IL1RAPL2: variants seen among roughly 807,000 people sequenced by gnomAD.
The protein encoded by IL1RAPL2 is interleukin 1 receptor accessory protein like 2.
Under a neutral mutation model 44.1 loss-of-function variants are expected in IL1RAPL2, and 3 were observed. The ratio of observed to expected loss-of-function variants is 0.07; its 90% CI spans 0.03 to 0.18. The LOEUF (loss-of-function observed/expected upper bound fraction) is 0.18, where lower values mean the gene tolerates loss of function less well. Ranked by LOEUF, IL1RAPL2 falls within the 10% of genes least tolerant of loss-of-function variation. The pLI, the probability that IL1RAPL2 is intolerant of heterozygous loss-of-function variation, is 1.00. For synonymous variants in IL1RAPL2, 181 were observed against 178.8 expected, an observed-to-expected ratio of 1.01 and a Z score of -0.10; for missense variants, 391 against 496.4, an observed-to-expected ratio of 0.79 and a Z score of 2.02.
intron 2 of IL1RAPL2, among the ~76,000 whole-genome samples, chrX:105,187,789 T>C (rs1467623897): frequency 9.0e-6 from 1 of 111,639 alleles, no homozygotes; most frequent in African/African-American, 3.3e-5. Flanking sequence ...GTAGGAATAA[T>C]TTCAGGATAT....
chrX:104,752,299 G>T (rs964895183), intron 2 of IL1RAPL2, among the ~76,000 whole-genome samples: 1 of 110,392 alleles, frequency 9.1e-6, no homozygotes, highest in Non-Finnish European at 1.9e-5. Flanking sequence ...GTGTGTGTGT[G>T]TGAGAGAGAG....
At chrX:104,848,054 AC>A (rs1267921072) in intron 2 of IL1RAPL2, among the ~76,000 whole-genome samples, 1 of 110,098 alleles carries the variant, frequency 9.1e-6, no homozygotes, top group Non-Finnish European at 1.9e-5. Context: ...GTATCCTGAG[AC>A]TTTGCTGAAG....
At chrX:105,489,450 A>C (rs1046431806) in intron 6 of IL1RAPL2, among the ~76,000 whole-genome samples, 1 of 111,999 alleles carries the variant, frequency 8.9e-6, no homozygotes, top group Non-Finnish European at 1.9e-5. Flanking sequence ...TATTCATGCT[A>C]GATAGACCCT....
chrX:105,392,164 T>TA (rs1340116861), intron 5 of IL1RAPL2, among the ~76,000 whole-genome samples: 2 of 107,860 alleles, frequency 1.9e-5, no homozygotes, highest in Non-Finnish European at 3.8e-5. Context: ...AATAAAAAAA[T>TA]AAAAAATAAA....
At chrX:104,659,853 C>G (rs776823193) in intron 2 of IL1RAPL2, among the ~76,000 whole-genome samples, 1 of 111,720 alleles carries the variant, frequency 9.0e-6, no homozygotes, top group Admixed American at 9.6e-5. Context: ...GAAATGCATG[C>G]TTACTTTTCA....
intron 5 of IL1RAPL2, among the ~76,000 whole-genome samples, chrX:105,358,771 G>A (rs769078281): frequency 2.7e-5 from 3 of 110,924 alleles, no homozygotes; most frequent in Non-Finnish European, 3.8e-5. Flanking sequence ...CAAACCAATA[G>A]CATCAATCCA....
At chrX:104,679,396 C>T (rs1453461484) in intron 2 of IL1RAPL2, among the ~76,000 whole-genome samples, 1 of 111,837 alleles carries the variant, frequency 8.9e-6, no homozygotes, top group African/African-American at 3.3e-5. Flanking sequence ...GGGGCCTTTC[C>T]ATTTCCTCTT....
intron 2 of IL1RAPL2, among the ~76,000 whole-genome samples, chrX:104,681,278 T>G (rs1045131901): frequency 8.9e-6 from 1 of 112,459 alleles, no homozygotes; most frequent in Admixed American, 9.4e-5. Context: ...ATTTAAAATT[T>G]TAATTGCATA....
At chrX:105,318,597 A>G (rs998798676) in intron 5 of IL1RAPL2, among the ~76,000 whole-genome samples, 42 of 111,218 alleles carry the variant, frequency 3.8e-4, no homozygotes, top group African/African-American at 1.4e-3. Context: ...AGAAATGAAC[A>G]GAGTGTGTAT....
intron 2 of IL1RAPL2, among the ~76,000 whole-genome samples, chrX:104,825,518 C>T (rs1041537914): frequency 9.0e-6 from 1 of 111,617 alleles, no homozygotes; most frequent in Non-Finnish European, 1.9e-5. Flanking sequence ...TTTAAGGCTA[C>T]AAAACAATAA....
chrX:105,036,985 C>T (rs907840042), intron 2 of IL1RAPL2, among the ~76,000 whole-genome samples: 1 of 111,951 alleles, frequency 8.9e-6, no homozygotes, highest in Non-Finnish European at 1.9e-5. Flanking sequence ...CAAGTTAACT[C>T]CCCATATGCT....
intron 2 of IL1RAPL2, among the ~76,000 whole-genome samples, chrX:104,981,061 G>A (rs974689178): frequency 2.2e-5 from 1 of 45,278 alleles, no homozygotes; most frequent in South Asian, 7.0e-4. Context: ...GGTATTGTGT[G>A]TGTGTGTGTG....
chrX:104,845,014 C>T (rs1180164509), intron 2 of IL1RAPL2, among the ~76,000 whole-genome samples: 1 of 111,800 alleles, frequency 8.9e-6, no homozygotes, highest in Admixed American at 9.5e-5. Flanking sequence ...GAGACTTTTT[C>T]AGCCCTTCCA....
chrX:105,373,249 C>G (rs1400722662), intron 5 of IL1RAPL2, among the ~76,000 whole-genome samples: 1 of 111,952 alleles, frequency 8.9e-6, no homozygotes, highest in Non-Finnish European at 1.9e-5. Flanking sequence ...TGGTTTTGAC[C>G]TGCATTTCTC....
intron 4 of IL1RAPL2, among the ~76,000 whole-genome samples, chrX:105,256,974 C>G (rs2147650420): frequency 9.0e-6 from 1 of 111,203 alleles, no homozygotes; most frequent in South Asian, 3.7e-4. Context: ...TATTTCTTGT[C>G]TTCTGCTAGT....
At chrX:105,181,776 A>G (rs2033532837) in intron 2 of IL1RAPL2, among the ~76,000 whole-genome samples, 1 of 111,481 alleles carries the variant, frequency 9.0e-6, no homozygotes, top group Non-Finnish European at 1.9e-5. Flanking sequence ...ATAAGAATGT[A>G]TGTTCTGGCT....
At chrX:104,865,518 C>T (rs1482839713) in intron 2 of IL1RAPL2, among the ~76,000 whole-genome samples, 1 of 111,245 alleles carries the variant, frequency 9.0e-6, no homozygotes, top group Admixed American at 9.5e-5. Context: ...AAGTATTGTT[C>T]CTGGGTGTGT....
At chrX:105,359,101 A>G (rs1044217127) in intron 5 of IL1RAPL2, among the ~76,000 whole-genome samples, 3 of 112,101 alleles carry the variant, frequency 2.7e-5, no homozygotes, top group African/African-American at 9.7e-5. Flanking sequence ...GCCAAGGACA[A>G]TTCCCATTGT....
At chrX:104,677,120 C>G (rs1436441639) in intron 2 of IL1RAPL2, among the ~76,000 whole-genome samples, 1 of 112,196 alleles carries the variant, frequency 8.9e-6, no homozygotes, top group Non-Finnish European at 1.9e-5. Context: ...CTCTGTCCAG[C>G]TTTGTTCCGT....
Sources: allele counts gnomAD v4.1 joint callset (sites outside exome capture counted in the v4.1 genomes callset), GRCh38; gene constraint gnomAD v4.1.1; transcripts MANE v1.5; gene names NCBI Gene and HGNC (gene_info 2026-07-23, HGNC 2026-07-21).